The following GPC4 variants were observed in gnomAD, a reference collection of about 807,000 sequenced individuals.
GPC4 encodes glypican-4.
GPC4 carries 10 observed loss-of-function variants against 35.0 expected under a neutral mutation model. The ratio of observed to expected loss-of-function variants is 0.29; its 90% CI spans 0.18 to 0.48. GPC4 has a LOEUF of 0.48. Ranked by LOEUF, GPC4 falls within the 20% of genes least tolerant of loss-of-function variation. GPC4 has a pLI of 0.99. For missense variants in GPC4, 322 were observed against 451.3 expected (o/e 0.71, Z 2.60); for synonymous variants, 167 against 170.2 (o/e 0.98, Z 0.15).
chrX:133,319,918 G>C (rs189577887), intron 3 of GPC4, among the ~76,000 whole-genome samples: 10 of 111,565 alleles, frequency 9.0e-5, no homozygotes, highest in Middle Eastern at 4.6e-3. Context: ...TTGCATGCTT[G>C]TATGCAGATG....
chrX:133,342,317 G>T (rs1038690757), intron 1 of GPC4, among the ~76,000 whole-genome samples: 1 of 110,992 alleles, frequency 9.0e-6, no homozygotes, highest in Admixed American at 9.6e-5. Flanking sequence ...GATTACAGGC[G>T]CGAGCCACCA....
rs775479343 is a variant in GPC4, at chrX:133,303,260, G to A, written c.1374C>T (p.Asp458=). The A allele has an allele frequency of 7.4e-6, 9 of 1,211,021 alleles. No homozygotes were observed. In the Admixed American group the frequency reaches 1.7e-4, roughly 23 times the overall value. The part of the protein sequence containing the change: ...PEVQVDTSKP[D]ILILRQIMAL... ...CCATGATTTGACGAAGGATCAGTAT[G>A]TCTGGTTTGCTGGTGTCAACCTGGA... is the stretch of plus-strand genomic sequence containing the variant. The change falls in exon 8 of 9, where the codon GAC becomes GAT. Residue 458 remains aspartate, a synonymous_variant. Coordinates refer to ENST00000370828, the MANE Select transcript of GPC4 (RefSeq NM_001448.3).
At chrX:133,382,074 T>G (rs2068662692) in intron 1 of GPC4, among the ~76,000 whole-genome samples, 1 of 111,958 alleles carries the variant, frequency 8.9e-6, no homozygotes, top group Admixed American at 9.5e-5. Context: ...CTAACCAAAT[T>G]AACACTTGTC....
Position 133,414,374 on chromosome X carries a change from C to A in GPC4, c.160+432G>T, listed in dbSNP as rs1275892435. ...CACACCCCACTGGCGACCCCCACCC[C>A]CACCCGGCCTCTCCTCACCCATACA... On this transcript the variant is annotated intron_variant, in intron 1 of 8. Transcript: ENST00000370828. 30 of 507,581 alleles carry A rather than the reference C, an allele frequency of 5.9e-5. 1 individual carries two copies. Among genetic ancestry groups the A allele is most frequent in the Non-Finnish European group, 7.2e-5 (30 of 416,552 alleles). The allele number at this position is 507,581 out of a possible 1,213,427, so 41.8% of individuals were successfully genotyped here. A position where few individuals can be genotyped will look rare whatever the true frequency, so the allele number is the denominator to read the frequency against.
In GPC4 at chrX:133,305,348, T is replaced by C. The variant is rs1412363104; in HGVS notation, c.1155+424A>G. ...TGTGGATAAAGCAATTTGCCTACAG[T>C]TACTCACTTTTCTCCCATCTCAGCT... On this transcript the variant is annotated intron_variant, in intron 6 of 8. Coordinates refer to ENST00000370828, the MANE Select transcript of GPC4 (RefSeq NM_001448.3). 4.5e-5 allele frequency among the ~76,000 whole-genome samples: 5 copies of C among 112,315 alleles called. No homozygotes were observed. The East Asian group carries it at 1.4e-3, about 31-fold the overall frequency.
chrX:133,388,058 T>C (rs1389327290), intron 1 of GPC4, among the ~76,000 whole-genome samples: 1 of 112,131 alleles, frequency 8.9e-6, no homozygotes, highest in Non-Finnish European at 1.9e-5. Flanking sequence ...TGACAACAAA[T>C]CTTTTCAATA....
chrX:133,311,818 G>GT (rs2068315698), intron 3 of GPC4, among the ~76,000 whole-genome samples: 1 of 111,568 alleles, frequency 9.0e-6, no homozygotes, highest in Non-Finnish European at 1.9e-5. Flanking sequence ...CACCATGCAC[G>GT]TCCTGCTAAT....
At chrX:133,386,827 T>G (rs1248387669) in intron 1 of GPC4, among the ~76,000 whole-genome samples, 1 of 111,901 alleles carries the variant, frequency 8.9e-6, no homozygotes, top group Non-Finnish European at 1.9e-5. Flanking sequence ...AATTAGATTT[T>G]GGGAAAAAAT....
intron 1 of GPC4, among the ~76,000 whole-genome samples, chrX:133,405,352 C>G (rs1316820913): frequency 2.7e-5 from 3 of 111,780 alleles, no homozygotes; most frequent in Admixed American, 9.5e-5. Context: ...ATCCGCCCAC[C>G]TTGGCCTCCC....
At chrX:133,350,322 A>G (rs2068511285) in intron 1 of GPC4, among the ~76,000 whole-genome samples, 1 of 110,930 alleles carries the variant, frequency 9.0e-6, no homozygotes, top group African/African-American at 3.3e-5. Context: ...CATGAATTCA[A>G]GATCAGCGTG....
intron 1 of GPC4, among the ~76,000 whole-genome samples, chrX:133,356,862 T>C (rs2068543668): frequency 9.0e-6 from 1 of 111,142 alleles, no homozygotes; most frequent in South Asian, 3.8e-4. Flanking sequence ...TCACAACAAG[T>C]GGGAAACTCA....
chrX:133,352,719 G>A (rs934286349), intron 1 of GPC4, among the ~76,000 whole-genome samples: 3 of 110,799 alleles, frequency 2.7e-5, no homozygotes, highest in Non-Finnish European at 5.7e-5. Context: ...ACTCAACAAC[G>A]AACAATTTGA....
intron 3 of GPC4, among the ~76,000 whole-genome samples, chrX:133,323,498 G>C (rs1049139370): frequency 1.8e-5 from 2 of 111,901 alleles, no homozygotes; most frequent in African/African-American, 6.5e-5. Flanking sequence ...CAAAAAAAAA[G>C]AACACAGTCT....
chrX:133,336,186 T>C (rs1355474775), intron 2 of GPC4, among the ~76,000 whole-genome samples: 2 of 111,841 alleles, frequency 1.8e-5, no homozygotes, highest in African/African-American at 6.5e-5. Context: ...ATCAATGCCC[T>C]TGGATCGGCA....
intron 2 of GPC4, 100 bp from the exon 3 acceptor site, chrX:133,324,636 A>C (rs2068383665): frequency 2.4e-6 from 2 of 825,275 alleles, no homozygotes; most frequent in East Asian, 3.3e-5. Context: ...TGGAAAAAAA[A>C]CACAATTAAA....
intron 2 of GPC4, among the ~76,000 whole-genome samples, chrX:133,335,336 A>G (rs1603069306): frequency 9.0e-6 from 1 of 111,499 alleles, no homozygotes; most frequent in East Asian, 2.8e-4. Context: ...GATAGCATAG[A>G]AAAACACAGA....
chrX:133,381,834 G>C (rs1240915024), intron 1 of GPC4, among the ~76,000 whole-genome samples: 1 of 112,100 alleles, frequency 8.9e-6, no homozygotes, highest in African/African-American at 3.2e-5. Context: ...TTTTAGAAAT[G>C]ACTATGTTGT....
chrX:133,363,970 C>T (rs2068579883), intron 1 of GPC4, among the ~76,000 whole-genome samples: 1 of 112,020 alleles, frequency 8.9e-6, no homozygotes, highest in African/African-American at 3.2e-5. Context: ...TTTCATAAAA[C>T]ATAGTGTTCC....
chrX:133,381,900 TG>T (rs2068662142), intron 1 of GPC4, among the ~76,000 whole-genome samples: 1 of 112,025 alleles, frequency 8.9e-6, no homozygotes, highest in African/African-American at 3.2e-5. Context: ...GTGGGTTAAA[TG>T]GCACATTTAG....
Sources: gnomAD v4.1 joint callset for allele counts (sites outside exome capture counted in the v4.1 genomes callset) on GRCh38, gnomAD v4.1.1 for gene constraint, MANE v1.5 for transcripts, NCBI Gene and HGNC (gene_info 2026-07-23, HGNC 2026-07-21) for gene names.